Variants in METAP1 observed in about 807,000 individuals in gnomAD.
METAP1 encodes methionyl aminopeptidase 1.
Under a neutral mutation model 53.8 loss-of-function variants are expected in METAP1, and 28 were observed. The ratio of observed to expected loss-of-function variants is 0.52; its 90% confidence interval spans 0.39 to 0.71. METAP1 has a LOEUF of 0.71. METAP1 is among the 30% of genes least tolerant of loss of function. The pLI, the probability that METAP1 is intolerant of heterozygous loss-of-function variation, is 0.00. For missense variants in METAP1, 389 were observed against 479.8 expected (o/e 0.81, Z 1.77); for synonymous variants, 181 against 165.7 (o/e 1.09, Z -0.71).
At chr4:99,002,808 C>T (rs1418183740) in intron 1 of METAP1, among the ~76,000 whole-genome samples, 5 of 152,198 alleles carry the variant, frequency 3.3e-5, no homozygotes, top group Non-Finnish European at 1.5e-5. Flanking sequence ...GGCGCCGTGG[C>T]TTATGCCTGT....
chr4:99,025,708 G>T (rs1724513809), intron 1 of METAP1, among the ~76,000 whole-genome samples: 1 of 152,188 alleles, frequency 6.6e-6, no homozygotes, highest in South Asian at 2.1e-4. Context: ...GACTGGTTCA[G>T]GCCATGACTG....
At position 99,045,310 on chromosome 4, in the gene METAP1, G is replaced by GT; in HGVS notation, c.787_787+1insT (p.Lys264GlufsTer48). The GT allele has an allele frequency of 6.2e-7, 1 of 1,613,526 alleles. No individual in the cohort carries two copies. Among genetic ancestry groups the GT allele is most frequent in the Non-Finnish European group, 8.5e-7 (1 of 1,179,652 alleles). On this transcript the variant is annotated frameshift_variant and splice_region_variant. Coordinates refer to ENST00000296411, the MANE Select transcript of METAP1 (RefSeq NM_015143.3). LOFTEE classifies it high-confidence loss of function. ...GTGCCTGATGCAAGCCATTGATGCA[G>GT]GTCAGCCTCAGTGTTGAGCACCTAT... is the stretch of plus-strand genomic sequence containing the variant.
chr4:99,048,288 C>A (rs1029703595), intron 8 of METAP1, among the ~76,000 whole-genome samples: 3 of 152,174 alleles, frequency 2.0e-5, no homozygotes, highest in African/African-American at 7.2e-5. Flanking sequence ...GCTGTTTGGC[C>A]TCTCTGTGCC....
intron 7 of METAP1, 62 bp downstream of exon 7, chr4:99,043,449 G>T: frequency 6.7e-7 from 1 of 1,501,452 alleles, no homozygotes; most frequent in South Asian, 1.3e-5. Context: ...TGGGGAATCT[G>T]ACAGTGACTT....
intron 4 of METAP1, chr4:99,037,686 C>T (rs1375138712): frequency 6.6e-6 from 1 of 151,914 alleles, no homozygotes; most frequent in Non-Finnish European, 1.5e-5. Context: ...TCATGTACCA[C>T]TGCCAAACTT....
intron 1 of METAP1, among the ~76,000 whole-genome samples, chr4:99,007,821 C>G (rs895193563): frequency 2.0e-5 from 3 of 152,174 alleles, no homozygotes; most frequent in African/African-American, 7.2e-5. Flanking sequence ...TGATTGCTTC[C>G]TAGCTCTCTG....
At chr4:99,054,340 A>G (rs1349521294) in intron 9 of METAP1, among the ~76,000 whole-genome samples, 2 of 152,140 alleles carry the variant, frequency 1.3e-5, no homozygotes, top group Non-Finnish European at 2.9e-5. Flanking sequence ...CTCACGAACC[A>G]ACCTCTGCTA....
At chr4:99,046,400 A>G (rs1311965484) in intron 8 of METAP1, among the ~76,000 whole-genome samples, 2 of 152,322 alleles carry the variant, frequency 1.3e-5, no homozygotes. Flanking sequence ...CATTTCAAAA[A>G]AAGAAGAAAA....
intron 6 of METAP1, among the ~76,000 whole-genome samples, chr4:99,042,255 A>G (rs1182006862): frequency 6.6e-6 from 1 of 151,188 alleles, no homozygotes; most frequent in Non-Finnish European, 1.5e-5. Flanking sequence ...CCACAAATGT[A>G]GTTATTGGTT....
chr4:99,016,632 C>A (rs1455496539), intron 1 of METAP1, among the ~76,000 whole-genome samples: 11 of 152,222 alleles, frequency 7.2e-5, no homozygotes, highest in Admixed American at 7.2e-4. Context: ...GGTCTACTAT[C>A]ACTAATAGGT....
At chr4:99,031,961 T>C (rs1428653014) in intron 2 of METAP1, among the ~76,000 whole-genome samples, 1 of 152,214 alleles carries the variant, frequency 6.6e-6, no homozygotes, top group Non-Finnish European at 1.5e-5. Flanking sequence ...TGTACAGTCT[T>C]TTCAAAAAGA....
intron 9 of METAP1, among the ~76,000 whole-genome samples, chr4:99,056,822 G>C (rs1321623961): frequency 6.6e-6 from 1 of 151,420 alleles, no homozygotes; most frequent in Admixed American, 6.6e-5. Context: ...ACCAACCTCG[G>C]CCTCTCAAAG....
Position 99,061,297 on chromosome 4 carries a change from C to T in METAP1, c.1141C>T (p.His381Tyr), listed in dbSNP as rs762530332. The part of the protein sequence containing the change: ...LTRRLDSARP[H>Y]FMSQF ...CCGGCGACTTGACAGTGCACGGCCT[C>T]ACTTCATGTCTCAATTTTAATTTCT... Residue 381 changes from histidine to tyrosine, a missense_variant, in exon 11 of 11, where the codon CAC becomes TAC. Physicochemically the swap from His to Tyr is moderately conservative, Grantham distance 83. Coordinates refer to ENST00000296411, the MANE Select transcript of METAP1 (RefSeq NM_015143.3). 2 of 1,613,034 alleles carry T rather than the reference C, an allele frequency of 1.2e-6. No homozygotes were observed. The highest frequency in any genetic ancestry group is 2.2e-5 in the East Asian group (1 of 44,822).
chr4:99,004,480 C>T (rs1005493958), intron 1 of METAP1, among the ~76,000 whole-genome samples: 23 of 15,728 alleles, frequency 1.5e-3, no homozygotes, highest in South Asian at 9.3e-3. Context: ...CACACACACA[C>T]ACATACACAC....
In METAP1 at chr4:99,026,318, G is replaced by A. The variant is rs956557618; in HGVS notation, c.115-2549G>A. 3.0e-6 allele frequency: 3 copies of A among 985,030 alleles called. No homozygotes were observed. In the African/African-American group the frequency reaches 5.2e-5, roughly 17 times the overall value. The allele number at this position is 985,030 out of a possible 1,614,324, so 61.0% of individuals were successfully genotyped here. ...AATGCTTTGGTGTTATTAAATAAGT[G>A]GAGAATAAAGTAGTAAAACAAAGTG... On this transcript the variant is annotated intron_variant, in intron 1 of 10. Transcript: ENST00000296411.
intron 9 of METAP1, among the ~76,000 whole-genome samples, chr4:99,053,809 CAGTG>C (rs1315016342): frequency 6.6e-6 from 1 of 152,016 alleles, no homozygotes; most frequent in Admixed American, 6.6e-5. Flanking sequence ...GGTGCATTGT[CAGTG>C]AGCAGTAATA....
Position 99,048,961 on chromosome 4 carries a change from G to A in METAP1, c.931+85G>A, listed in dbSNP as rs966415134. 5.6e-6 allele frequency: 8 copies of A among 1,427,180 alleles called. No homozygotes were observed. The South Asian group carries it at 7.8e-5, about 14-fold the overall frequency. 88.4% of individuals were successfully genotyped at this position (1,427,180 alleles called of 1,614,324 possible). ...TACATTTAACAGTACCTACTATTTT[G>A]TATTCACTAGAGTAATCTCTTAGCT... On this transcript the variant is annotated intron_variant, in intron 9 of 10. Transcript: ENST00000296411.
chr4:99,057,948 T>TA, intron 10 of METAP1, 130 bp downstream of exon 10: 2 of 728,116 alleles, frequency 2.7e-6, no homozygotes, highest in Non-Finnish European at 4.5e-6. Context: ...ACCTCAAACT[T>TA]GATTCAGTAT....
At chr4:99,031,943 C>T (rs1472991005) in intron 2 of METAP1, among the ~76,000 whole-genome samples, 2 of 152,104 alleles carry the variant, frequency 1.3e-5, no homozygotes, top group African/African-American at 2.4e-5. Flanking sequence ...TTTATACTGC[C>T]CTGTTGTTGT....
Sources: gnomAD v4.1 joint callset for allele counts (sites outside exome capture counted in the v4.1 genomes callset) on GRCh38, gnomAD v4.1.1 for gene constraint, MANE v1.5 for transcripts, NCBI Gene and HGNC (gene_info 2026-07-23, HGNC 2026-07-21) for gene names.